FGFR2: variants seen among roughly 807,000 people sequenced by gnomAD.
FGFR2 encodes the protein BEK fibroblast growth factor receptor.
FGFR2 carries 19 observed loss-of-function variants against 95.9 expected under a neutral mutation model. The ratio of observed to expected loss-of-function variants is 0.20; its 90% CI spans 0.14 to 0.29. FGFR2 has a LOEUF of 0.29. Among genes scored for constraint, FGFR2 ranks in the 10% least tolerant of loss-of-function variants. The pLI, the probability that FGFR2 is intolerant of heterozygous loss-of-function variation, is 1.00. For synonymous variants in FGFR2, 392 were observed against 393.3 expected (o/e 1.00, Z 0.04); for missense variants, 707 against 1,056.9 (o/e 0.67, Z 4.59).
rs146638175 is a variant in FGFR2 at position 121,540,337 on chromosome 10, T to C, written c.625-1622A>G. On this transcript the variant is annotated intron_variant, in intron 5 of 17. Transcript: ENST00000358487. ...TCTTTACTGTATGACAAAGACTCGC[T>C]TTCTGCTCTTGGTTGAGCCGTAGAC... Among the ~76,000 whole-genome samples the C allele has an allele frequency of 2.0e-5, 3 of 152,322 alleles. No homozygotes were observed. In the East Asian group the frequency reaches 5.8e-4, roughly 29 times the overall value.
intron 4 of FGFR2, 109 bp downstream of exon 4, chr10:121,564,393 G>A (rs1857372117): frequency 2.9e-6 from 3 of 1,025,910 alleles, no homozygotes; most frequent in East Asian, 2.4e-5. Context: ...AAAGGCAAGG[G>A]CCGCGGGACA....
In FGFR2 at chr10:121,565,299, C is replaced by T. The variant is rs145745109; in HGVS notation, c.376+139G>A. On this transcript the variant is annotated intron_variant, in intron 3 of 17. Transcript: ENST00000358487. ...ATCGGCCTTTCTGGTGCACCAGGTCCCAAAGAAGAATTTCAAAAACTATGA... is the reference window on the plus strand; with the variant it reads ...ATCGGCCTTTCTGGTGCACCAGGTCTCAAAGAAGAATTTCAAAAACTATGA... 63 of 1,075,778 alleles carry T rather than the reference C, an allele frequency of 5.9e-5. No homozygotes were observed. The African/African-American group carries it at 8.2e-4, about 14-fold the overall frequency. The allele number at this position is 1,075,778 out of a possible 1,614,324, so 66.6% of individuals were successfully genotyped here.
chr10:121,593,112 T>C (rs553962641), intron 2 of FGFR2, among the ~76,000 whole-genome samples: 22 of 152,212 alleles, frequency 1.4e-4, no homozygotes, highest in Non-Finnish European at 2.9e-4. Flanking sequence ...GGAGATCCCC[T>C]GGCACATTCA....
At chr10:121,537,708 G>T (rs1324714379) in intron 6 of FGFR2, among the ~76,000 whole-genome samples, 1 of 51,162 alleles carries the variant, frequency 2.0e-5, no homozygotes, top group Non-Finnish European at 3.6e-5. Context: ...TGTATTTAGG[G>T]GAGGACAAAC....
intron 6 of FGFR2, among the ~76,000 whole-genome samples, chr10:121,522,570 A>T (rs965650342): frequency 1.8e-4 from 27 of 152,172 alleles, no homozygotes; most frequent in African/African-American, 6.3e-4. Flanking sequence ...AAGAAAAAAA[A>T]CTTAGGTGAG....
intron 6 of FGFR2, among the ~76,000 whole-genome samples, chr10:121,530,648 G>A (rs1041066006): frequency 6.6e-6 from 1 of 152,070 alleles, no homozygotes; most frequent in African/African-American, 2.4e-5. Flanking sequence ...GAGGTCTTTC[G>A]GTTTACAAAG....
chr10:121,558,503 C>T (rs1044946871), intron 4 of FGFR2, among the ~76,000 whole-genome samples: 3 of 152,202 alleles, frequency 2.0e-5, no homozygotes, highest in African/African-American at 4.8e-5. Flanking sequence ...CAGAGAATGC[C>T]CTGCACATCT....
intron 4 of FGFR2, among the ~76,000 whole-genome samples, chr10:121,555,496 C>T (rs1055921860): frequency 2.2e-4 from 33 of 152,256 alleles, no homozygotes; most frequent in Admixed American, 6.5e-5. Flanking sequence ...CTAATAGAGA[C>T]GTGTGGTATA....
At chr10:121,509,157 G>A (rs1349115836) in intron 9 of FGFR2, among the ~76,000 whole-genome samples, 2 of 152,100 alleles carry the variant, frequency 1.3e-5, no homozygotes, top group African/African-American at 4.8e-5. Context: ...CAATTCCAGA[G>A]TTTCATTCCT....
chr10:121,543,318 T>C (rs1854036924), intron 5 of FGFR2, among the ~76,000 whole-genome samples: 1 of 152,168 alleles, frequency 6.6e-6, no homozygotes, highest in African/African-American at 2.4e-5. Context: ...GAGGCCAGCC[T>C]GGCCAACATG....
intron 4 of FGFR2, among the ~76,000 whole-genome samples, chr10:121,562,039 C>T (rs368757660): frequency 2.0e-5 from 3 of 152,176 alleles, no homozygotes; most frequent in Non-Finnish European, 2.9e-5. Context: ...CCAAGCACAT[C>T]GAATGATGTG....
chr10:121,504,778 G>A (rs1197408894), intron 9 of FGFR2, among the ~76,000 whole-genome samples: 1 of 152,040 alleles, frequency 6.6e-6, no homozygotes, highest in Non-Finnish European at 1.5e-5. Context: ...CAGTGTGTCT[G>A]ATAAAATGAT....
At chr10:121,555,999 T>C (rs994480027) in intron 4 of FGFR2, among the ~76,000 whole-genome samples, 3 of 152,192 alleles carry the variant, frequency 2.0e-5, no homozygotes, top group Non-Finnish European at 4.4e-5. Context: ...TTAGTGTCTC[T>C]GTACTGAAAA....
chr10:121,567,719 A>G (rs889010891), intron 2 of FGFR2, among the ~76,000 whole-genome samples: 3 of 152,266 alleles, frequency 2.0e-5, no homozygotes, highest in African/African-American at 7.2e-5. Flanking sequence ...CCGCGGGCCA[A>G]GCCAGCCGCA....
rs1589713266 is a variant in FGFR2, at chr10:121,485,269, C to T, written c.2195+126G>A. ...CCAGCTCTGGATTGAGCCCAGAGAG[C>T]TTCAGCCATTCTTCTTAGAGCATGT... is the stretch of plus-strand genomic sequence containing the variant. On this transcript the variant is annotated intron_variant, in intron 16 of 17. Coordinates refer to ENST00000358487, the MANE Select transcript of FGFR2 (RefSeq NM_000141.5). This position sits in a 1 kb window ranked among gnomAD's most constrained non-coding sequence, Gnocchi z 4.2. 2 of 1,288,692 alleles carry T rather than the reference C, an allele frequency of 1.6e-6. No homozygotes were observed. The highest frequency in any genetic ancestry group is 1.7e-5 in the Admixed American group (1 of 59,466). The allele number at this position is 1,288,692 out of a possible 1,614,324, so 79.8% of individuals were successfully genotyped here.
intron 2 of FGFR2, among the ~76,000 whole-genome samples, chr10:121,574,627 G>C (rs956220857): frequency 1.4e-4 from 22 of 152,038 alleles, no homozygotes; most frequent in Non-Finnish European, 2.5e-4. Context: ...CCTGCCATGA[G>C]GGCTGTGTAC....
intron 8 of FGFR2, among the ~76,000 whole-genome samples, chr10:121,516,480 A>C (rs1051072602): frequency 2.0e-5 from 3 of 152,252 alleles, no homozygotes; most frequent in Non-Finnish European, 4.4e-5. Flanking sequence ...ATGTAAAATA[A>C]GCATGCAGGT....
intron 8 of FGFR2, among the ~76,000 whole-genome samples, chr10:121,515,633 C>T (rs1363775049): frequency 6.6e-6 from 1 of 151,942 alleles, no homozygotes; most frequent in Admixed American, 6.6e-5. Context: ...CAACTGTACC[C>T]ACAATGAAAG....
chr10:121,563,256 C>A (rs1300261720), intron 4 of FGFR2, among the ~76,000 whole-genome samples: 1 of 152,064 alleles, frequency 6.6e-6, no homozygotes, highest in Non-Finnish European at 1.5e-5. Context: ...CCCCTGTAGT[C>A]CTAGTTACTC....
Sources: gnomAD v4.1 joint callset for allele counts (sites outside exome capture counted in the v4.1 genomes callset) on GRCh38, gnomAD v4.1.1 for gene constraint, Gnocchi (gnomAD v3.1) non-coding constraint, MANE v1.5 for transcripts, NCBI Gene and HGNC (gene_info 2026-07-23, HGNC 2026-07-21) for gene names.